RALGAPA2: variants seen among roughly 807,000 people sequenced by gnomAD.
RALGAPA2 encodes Ral GTPase activating protein catalytic subunit alpha 2, also known as ral GTPase-activating protein subunit alpha-2.
A neutral mutation model predicts 230.4 loss-of-function variants in RALGAPA2; 139 were observed. The ratio of observed to expected loss-of-function variants is 0.60; its 90% CI spans 0.53 to 0.69. The LOEUF is 0.69. Among genes scored for constraint, RALGAPA2 ranks in the 30% least tolerant of loss-of-function variants. The pLI, the probability that RALGAPA2 is intolerant of heterozygous loss-of-function variation, is 0.00. For synonymous variants in RALGAPA2, 847 were observed against 837.8 expected (o/e 1.01, Z -0.19); for missense variants, 2,163 against 2,276.0 (o/e 0.95, Z 1.01).
chr20:20,519,201 T>C (rs758438061), intron 31 of RALGAPA2, among the ~76,000 whole-genome samples: 5 of 152,208 alleles, frequency 3.3e-5, no homozygotes, highest in Non-Finnish European at 5.9e-5. Flanking sequence ...TTCTGACTTG[T>C]ACACACCCCT....
chr20:20,643,551 T>C lies in RALGAPA2; in HGVS notation c.329-2A>G. The C allele has an allele frequency of 6.8e-7, 1 of 1,467,294 alleles. No individual in the cohort carries two copies. Among genetic ancestry groups the C allele is most frequent in the Non-Finnish European group, 9.2e-7 (1 of 1,086,158 alleles). 90.9% of individuals were successfully genotyped at this position (1,467,294 alleles called of 1,614,324 possible). A position where few individuals can be genotyped will look rare whatever the true frequency, so the allele number is the denominator to read the frequency against. ...GTAGAAGCTTCTTTAAAGTTGAGCC[T>C]GAAAGTTTAAAATAATGAATTATAA... On this transcript the variant is annotated splice_acceptor_variant, in intron 4 of 39. Transcript: ENST00000202677. LOFTEE classifies it high-confidence loss of function.
chr20:20,513,003 G>C lies in RALGAPA2; in HGVS notation c.4366C>G (p.Leu1456Val), dbSNP rs771236627. 3.1e-6 allele frequency: 5 copies of C among 1,613,660 alleles called. No homozygotes were observed. Among genetic ancestry groups the C allele is most frequent in the Non-Finnish European group, 4.2e-6 (5 of 1,179,794 alleles). The change falls in exon 32 of 40, where the codon CTC becomes GTC. Residue 1456 changes from leucine to valine, a missense_variant. Physicochemically the swap from Leu to Val is conservative, Grantham distance 32 (BLOSUM62 1). Transcript: ENST00000202677. ...GPVGGSPVGS[L>V]SDVRVIVRDI... ...CTCACAATTACTCTCACATCAGAGA[G>C]AGAGCCCACTGGTGATCCCCCTACC... is the stretch of plus-strand genomic sequence containing the variant.
In RALGAPA2 at chr20:20,601,767, G is replaced by A. The variant is rs187805829; in HGVS notation, c.2118C>T (p.Thr706=). 55 of 1,613,634 alleles carry A rather than the reference G, an allele frequency of 3.4e-5. No individual in the cohort carries two copies. The highest frequency in any genetic ancestry group is 5.3e-5 in the African/African-American group (4 of 75,010). The part of the protein sequence containing the change: ...SLSWRSHPDV[T]EPMRFRSATT... ...TGGCACTCCTAAATCGCATCGGTTC[G>A]GTCACATCTGGGTGGCTCCGCCAGC... Residue 706 remains threonine, a synonymous_variant, in exon 16 of 40, where the codon ACC becomes ACT. Transcript: ENST00000202677.
At chr20:20,660,983 A>G (rs2067757212) in intron 3 of RALGAPA2, among the ~76,000 whole-genome samples, 1 of 152,184 alleles carries the variant, frequency 6.6e-6, no homozygotes, top group South Asian at 2.1e-4. Flanking sequence ...AGCCCTGTTT[A>G]AATGTGTAAA....
intron 9 of RALGAPA2, among the ~76,000 whole-genome samples, chr20:20,630,445 T>C (rs1285372501): frequency 3.2e-4 from 48 of 152,148 alleles, no homozygotes; most frequent in Admixed American, 3.1e-3. Flanking sequence ...CCAAGGACAG[T>C]TTGAAAACAA....
intron 37 of RALGAPA2, among the ~76,000 whole-genome samples, chr20:20,420,032 A>C (rs2060245090): frequency 1.3e-5 from 2 of 152,180 alleles, no homozygotes; most frequent in African/African-American, 4.8e-5. Context: ...GGAAAGAGGG[A>C]GATAAGCTCA....
intron 1 of RALGAPA2, among the ~76,000 whole-genome samples, chr20:20,687,342 A>G (rs2068742334): frequency 6.6e-6 from 1 of 152,174 alleles, no homozygotes. Flanking sequence ...GCGATTTCAC[A>G]TTTAAACAGC....
At chr20:20,409,157 G>T (rs2060009531) in intron 38 of RALGAPA2, among the ~76,000 whole-genome samples, 2 of 152,196 alleles carry the variant, frequency 1.3e-5, no homozygotes, top group Non-Finnish European at 2.9e-5. Context: ...ACCTGGATGG[G>T]GAGAGTCAGA....
chr20:20,681,587 C>T (rs1253542389), intron 1 of RALGAPA2, among the ~76,000 whole-genome samples: 2 of 152,228 alleles, frequency 1.3e-5, no homozygotes, highest in Non-Finnish European at 2.9e-5. Flanking sequence ...ACTGTCAACA[C>T]ACCTTTGTAC....
At chr20:20,591,107 T>C in intron 17 of RALGAPA2, 70 bp downstream of exon 17, 1 of 1,525,724 alleles carries the variant, frequency 6.6e-7, no homozygotes, top group Non-Finnish European at 9.0e-7. Flanking sequence ...TACAAAGCAA[T>C]ACTATATGCA....
intron 9 of RALGAPA2, among the ~76,000 whole-genome samples, chr20:20,630,394 G>C (rs2066632520): frequency 6.6e-6 from 1 of 152,108 alleles, no homozygotes; most frequent in African/African-American, 2.4e-5. Context: ...TACAAGAAGA[G>C]ACAAGATATG....
intron 13 of RALGAPA2, among the ~76,000 whole-genome samples, chr20:20,613,159 C>T (rs2146296322): frequency 6.6e-6 from 1 of 152,328 alleles, no homozygotes; most frequent in South Asian, 2.1e-4. Context: ...TCACAACCTG[C>T]CAAAGCTGCC....
In RALGAPA2 at chr20:20,571,887, CAA is replaced by C. The variant is rs1195954547; in HGVS notation, c.2959_2960del (p.Leu987AspfsTer13). ...DNQSSPSPPV[L>X]IPPLRMFASW... ...ATGCAAACATTCTGAGTGGTGGGAT[CAA>C]AACTGGAGGAGATGGAGAAGACTGG... On this transcript the variant is annotated frameshift_variant, in exon 22 of 40. Coordinates refer to ENST00000202677, the MANE Select transcript of RALGAPA2 (RefSeq NM_020343.4). LOFTEE classifies it high-confidence loss of function. The C allele has an allele frequency of 1.2e-6, 2 of 1,611,910 alleles. No homozygotes were observed. The highest frequency in any genetic ancestry group is 2.7e-5 in the African/African-American group (2 of 74,868).
intron 15 of RALGAPA2, among the ~76,000 whole-genome samples, chr20:20,604,465 G>C (rs1393486981): frequency 1.3e-5 from 2 of 152,172 alleles, no homozygotes; most frequent in African/African-American, 4.8e-5. Context: ...TCCTAGAGAG[G>C]CTGTAGAATG....
chr20:20,412,195 C>A, intron 37 of RALGAPA2, 47 bp from the exon 38 acceptor site: 1 of 1,605,688 alleles, frequency 6.2e-7, no homozygotes, highest in Non-Finnish European at 8.5e-7. Context: ...AAGTGGCATG[C>A]AGAGCAGTGA....
intron 36 of RALGAPA2, among the ~76,000 whole-genome samples, chr20:20,480,162 T>C (rs950444616): frequency 2.6e-5 from 4 of 152,232 alleles, no homozygotes; most frequent in Admixed American, 1.3e-4. Flanking sequence ...GACTGACCTA[T>C]GGATTTAATG....
At chr20:20,708,145 G>A (rs1362184129) in intron 1 of RALGAPA2, among the ~76,000 whole-genome samples, 1 of 152,114 alleles carries the variant, frequency 6.6e-6, no homozygotes, top group Non-Finnish European at 1.5e-5. Context: ...ATTACCTGCA[G>A]ATATAATATA....
At chr20:20,465,273 C>T (rs2061395747) in intron 37 of RALGAPA2, among the ~76,000 whole-genome samples, 1 of 151,520 alleles carries the variant, frequency 6.6e-6, no homozygotes, top group South Asian at 2.1e-4. Context: ...GGCAAGAGTG[C>T]CACATCTGAG....
At chr20:20,481,460 T>C (rs886794992) in intron 36 of RALGAPA2, among the ~76,000 whole-genome samples, 2 of 152,162 alleles carry the variant, frequency 1.3e-5, no homozygotes, top group African/African-American at 4.8e-5. Flanking sequence ...AAATGAAGAA[T>C]GTGCGTGGCT....
Sources: gnomAD v4.1 joint callset for allele counts (sites outside exome capture counted in the v4.1 genomes callset) on GRCh38, gnomAD v4.1.1 for gene constraint, MANE v1.5 for transcripts, NCBI Gene and HGNC (gene_info 2026-07-23, HGNC 2026-07-21) for gene names.